Variants in SLC35G1 observed in about 807,000 individuals in gnomAD.
SLC35G1 encodes partner of STIM1.
Under a neutral mutation model 17.1 loss-of-function variants are expected in SLC35G1, and 10 were observed. The observed-to-expected ratio is 0.59, with a 90% CI of 0.36 to 0.99. SLC35G1 has a LOEUF of 0.99. Ranked by LOEUF, SLC35G1 falls within the 50% of genes least tolerant of loss-of-function variation. The pLI, the probability that SLC35G1 is intolerant of heterozygous loss-of-function variation, is 0.01. For synonymous variants in SLC35G1, 185 were observed against 181.1 expected, an observed-to-expected ratio of 1.02 and a Z score of -0.18; for missense variants, 433 against 468.4, an observed-to-expected ratio of 0.92 and a Z score of 0.70.
At position 93,901,627 on chromosome 10, in the gene SLC35G1, T is replaced by C. The variant is rs1238383229; in HGVS notation, c.*137T>C. Reference sequence around the variant, plus strand: ...AATTGCCTAAAGTACCATTTTTGAATATAGTATGTCTTTAGTTAAGAATAG... The same window carrying C: ...AATTGCCTAAAGTACCATTTTTGAACATAGTATGTCTTTAGTTAAGAATAG... On this transcript the variant is annotated 3_prime_UTR_variant, in exon 3 of 3. Coordinates refer to ENST00000427197, the MANE Select transcript of SLC35G1 (RefSeq NM_001134658.3). The C allele has an allele frequency of 6.0e-6, 6 of 995,508 alleles. No individual in the cohort carries two copies. Among genetic ancestry groups the C allele is most frequent in the Non-Finnish European group, 8.3e-6 (6 of 724,154 alleles). The allele number at this position is 995,508 out of a possible 1,614,324, so 61.7% of individuals were successfully genotyped here. A position where few individuals can be genotyped will look rare whatever the true frequency, so the allele number is the denominator to read the frequency against.
rs1221594699 is a variant in SLC35G1 at position 93,901,670 on chromosome 10, AC to A, written c.*181del. The A allele has an allele frequency of 2.8e-5, 19 of 682,296 alleles. 1 individual carries two copies. Among genetic ancestry groups the A allele is most frequent in the Admixed American group, 2.0e-4 (5 of 24,530 alleles). The allele number at this position is 682,296 out of a possible 1,614,324, so 42.3% of individuals were successfully genotyped here. ...AAGAATAGCTAGTCTGTTTGGTGTAACAATTTTTTGGTAGCTTTGGTTTTGG... is the reference window on the plus strand; with the variant it reads ...AAGAATAGCTAGTCTGTTTGGTGTAAAATTTTTTGGTAGCTTTGGTTTTGG... On this transcript the variant is annotated 3_prime_UTR_variant, in exon 3 of 3. Coordinates refer to ENST00000427197, the MANE Select transcript of SLC35G1 (RefSeq NM_001134658.3).
chr10:93,894,026 G>A lies in SLC35G1; in HGVS notation c.-8G>A, dbSNP rs910223766. On this transcript the variant is annotated 5_prime_UTR_variant, in exon 1 of 3. Coordinates refer to ENST00000427197, the MANE Select transcript of SLC35G1 (RefSeq NM_001134658.3). ...GGCACCGGCCGCTGGTAGAGCGCGT[G>A]CCGCGAGATGCGGCCTCAGGACAGC... 8 of 1,412,260 alleles carry A rather than the reference G, an allele frequency of 5.7e-6. No individual in the cohort carries two copies. The highest frequency in any genetic ancestry group is 1.5e-5 in the South Asian group (1 of 66,580). The allele number at this position is 1,412,260 out of a possible 1,614,324, so 87.5% of individuals were successfully genotyped here.
chr10:93,906,962 G>T (rs574072463), downstream of SLC35G1: 56 of 152,284 alleles, frequency 3.7e-4, no homozygotes, highest in African/African-American at 1.2e-3. Flanking sequence ...GCAGATAGGA[G>T]AATACAGCTA....
chr10:93,907,400 T>C (rs2060435696), downstream of SLC35G1: 2 of 152,246 alleles, frequency 1.3e-5, no homozygotes, highest in South Asian at 2.1e-4. Flanking sequence ...CAAAATGATA[T>C]GTACAAGTTT....
chr10:93,895,417 G>A (rs1354075158), intron 1 of SLC35G1, among the ~76,000 whole-genome samples: 1 of 152,168 alleles, frequency 6.6e-6, no homozygotes, highest in Non-Finnish European at 1.5e-5. Flanking sequence ...ATCACCCTCT[G>A]GGTGAATGTC....
At chr10:93,900,673 A>G (rs2060374075) in intron 2 of SLC35G1, 79 bp from the exon 3 acceptor site, 1 of 1,221,160 alleles carries the variant, frequency 8.2e-7, no homozygotes, top group Non-Finnish European at 1.1e-6. Flanking sequence ...TACTTTTAAA[A>G]TAATGTTTAA....
chr10:93,902,507 T>C lies in SLC35G1; in HGVS notation c.*1017T>C, dbSNP rs2060398551. On this transcript the variant is annotated 3_prime_UTR_variant, in exon 3 of 3. Transcript: ENST00000427197. ...TAGAAAAACCATCGTTTCATATGATTCACCCTAATAGATACCTCCATTATT... is the reference window on the plus strand; with the variant it reads ...TAGAAAAACCATCGTTTCATATGATCCACCCTAATAGATACCTCCATTATT... 1 of 152,614 alleles carries C rather than the reference T, an allele frequency of 6.6e-6. No individual in the cohort carries two copies. The highest frequency in any genetic ancestry group is 1.5e-5 in the Non-Finnish European group (1 of 68,030). The allele number at this position is 152,614 out of a possible 1,614,324, so 9.5% of individuals were successfully genotyped here. A position where few individuals can be genotyped will look rare whatever the true frequency, so the allele number is the denominator to read the frequency against.
chr10:93,907,305 A>C (rs915203439), downstream of SLC35G1: 2 of 152,178 alleles, frequency 1.3e-5, no homozygotes, highest in African/African-American at 2.4e-5. Flanking sequence ...AAAAGTCAGA[A>C]GTCTTTGGTA....
At chr10:93,896,337 C>T (rs1293517488) in intron 1 of SLC35G1, among the ~76,000 whole-genome samples, 1 of 152,124 alleles carries the variant, frequency 6.6e-6, no homozygotes, top group Non-Finnish European at 1.5e-5. Flanking sequence ...TAATTCCCAA[C>T]CAGGATTGCG....
At chr10:93,895,848 AAGG>A (rs1189657056) in intron 1 of SLC35G1, among the ~76,000 whole-genome samples, 1 of 152,134 alleles carries the variant, frequency 6.6e-6, no homozygotes, top group Non-Finnish European at 1.5e-5. Context: ...ACACTGAAGC[AAGG>A]AGAAGTAGTT....
At chr10:93,894,777 TAAG>T (rs1298845017) in intron 1 of SLC35G1, among the ~76,000 whole-genome samples, 1 of 152,144 alleles carries the variant, frequency 6.6e-6, no homozygotes, top group African/African-American at 2.4e-5. Flanking sequence ...CATATCTTGT[TAAG>T]AAGCTCACAG....
chr10:93,906,041 G>T (rs1278305378), downstream of SLC35G1, among the ~76,000 whole-genome samples: 1 of 152,156 alleles, frequency 6.6e-6, no homozygotes, highest in Non-Finnish European at 1.5e-5. Flanking sequence ...TCTTACCGCT[G>T]TTCCAAGTAT....
At chr10:93,897,287 A>T (rs1564590606) in intron 1 of SLC35G1, among the ~76,000 whole-genome samples, 1 of 152,246 alleles carries the variant, frequency 6.6e-6, no homozygotes, top group Non-Finnish European at 1.5e-5. Context: ...TTGCAAAGTC[A>T]TCTCACTAAC....
At chr10:93,905,343 G>A (rs1297044244), downstream of SLC35G1, among the ~76,000 whole-genome samples, 1 of 152,036 alleles carries the variant, frequency 6.6e-6, no homozygotes, top group East Asian at 1.9e-4. Context: ...GGTGAAGGTT[G>A]GATATATGAA....
In SLC35G1 at chr10:93,895,993, A is replaced by ATT. The variant is rs113236737; in HGVS notation, c.178+1795_178+1796dup. ...GGTCTGAGATGGGGCTTGAGAATTA[A>ATT]TTTTTTTTTTTTTTGGAGATAGGGT... On this transcript the variant is annotated intron_variant, in intron 1 of 2. Transcript: ENST00000427197. Among the ~76,000 whole-genome samples, 21 of 144,308 alleles carry ATT rather than the reference A, an allele frequency of 1.5e-4. 1 individual carries two copies. The highest frequency in any genetic ancestry group is 4.6e-4 in the African/African-American group (18 of 39,332). 94.7% of individuals were successfully genotyped at this position (144,308 alleles called of 152,430 possible). A position where few individuals can be genotyped will look rare whatever the true frequency, so the allele number is the denominator to read the frequency against.
exon 3 of SLC35G1, chr10:93,909,371 G>A (rs538725210): frequency 2.4e-4 from 37 of 151,482 alleles, no homozygotes; most frequent in Admixed American, 2.1e-3. Flanking sequence ...CCCACTTCAA[G>A]CTCAAATCCT....
Position 93,901,113 on chromosome 10 carries a change from AT to A in SLC35G1, c.722del (p.Ile241ThrfsTer2). The A allele has an allele frequency of 1.2e-6, 2 of 1,614,094 alleles. No homozygotes were observed. Among genetic ancestry groups the A allele is most frequent in the Non-Finnish European group, 1.7e-6 (2 of 1,179,958 alleles). ...CGTATTTGCTGCATCGACTCTAGTT[AT>A]CCTAAGAAAAATGGGAAAATCTGTG... ...SAVFAASTLVILRKMGKSVDY... is the reference protein window; with the variant it reads ...SAVFAASTLVXLRKMGKSVDY... On this transcript the variant is annotated frameshift_variant, in exon 3 of 3. Transcript: ENST00000427197. LOFTEE classifies it low-confidence loss of function (END_TRUNC).
downstream of SLC35G1, chr10:93,908,024 A>C (rs1362862620): frequency 6.6e-6 from 1 of 152,158 alleles, no homozygotes; most frequent in Admixed American, 6.5e-5. Context: ...CTTTTGCCTC[A>C]TAGAGTCTGC....
At position 93,901,274 on chromosome 10, in the gene SLC35G1, T is replaced by A. The variant is rs756843852; in HGVS notation, c.882T>A (p.Phe294Leu). The A allele has an allele frequency of 1.2e-6, 2 of 1,613,650 alleles. No individual in the cohort carries two copies. The highest frequency in any genetic ancestry group is 2.7e-5 in the African/African-American group (2 of 74,866). ...TATTTCTCATATTCATTGGGCTCTT[T>A]GGTTTGGGGGGTCAGATATTTATCA... ...DRLFLIFIGLFGLGGQIFITK... is the reference protein window; with the variant it reads ...DRLFLIFIGLLGLGGQIFITK... The change falls in exon 3 of 3, where the codon TTT becomes TTA. Residue 294 changes from phenylalanine to leucine, a missense_variant. Phe to Leu is a conservative substitution (Grantham distance 22). Transcript: ENST00000427197.
Sources: gnomAD v4.1 joint callset for allele counts (sites outside exome capture counted in the v4.1 genomes callset) on GRCh38, gnomAD v4.1.1 for gene constraint, MANE v1.5 for transcripts, NCBI Gene and HGNC (gene_info 2026-07-23, HGNC 2026-07-21) for gene names.